Variants in LRFN5 observed in about 807,000 individuals in gnomAD.
The protein encoded by LRFN5 is leucine-rich repeat and fibronectin type-III domain-containing protein 5.
LRFN5 carries 24 observed loss-of-function variants against 45.6 expected under a neutral mutation model. That is an observed-to-expected ratio of 0.53 (90% CI 0.38 to 0.74). The LOEUF is 0.74. Ranked by LOEUF, LRFN5 falls within the 30% of genes least tolerant of loss-of-function variation. The pLI, the probability that LRFN5 is intolerant of heterozygous loss-of-function variation, is 0.00. For missense variants in LRFN5, 776 were observed against 861.5 expected, an observed-to-expected ratio of 0.90 and a Z score of 1.24; for synonymous variants, 340 against 313.8, an observed-to-expected ratio of 1.08 and a Z score of -0.88.
chr14:41,756,990 C>G (rs531240307), intron 1 of LRFN5, among the ~76,000 whole-genome samples: 1 of 152,176 alleles, frequency 6.6e-6, no homozygotes, highest in Non-Finnish European at 1.5e-5. Context: ...GGACCCCCAG[C>G]TGCAAGTCTG....
At chr14:41,674,291 C>T (rs1881453484) in intron 1 of LRFN5, among the ~76,000 whole-genome samples, 1 of 130,678 alleles carries the variant, frequency 7.7e-6, no homozygotes, top group Admixed American at 7.5e-5. Context: ...CAGAGGCGTC[C>T]CTCACCTCCC....
chr14:41,685,826 A>G (rs879138473), intron 1 of LRFN5, among the ~76,000 whole-genome samples: 1 of 151,778 alleles, frequency 6.6e-6, no homozygotes, highest in Non-Finnish European at 1.5e-5. Context: ...TAGTCCATAT[A>G]TCTGTTTTTG....
chr14:41,682,150 C>G (rs1035269671), intron 1 of LRFN5, among the ~76,000 whole-genome samples: 11 of 151,786 alleles, frequency 7.2e-5, no homozygotes, highest in Non-Finnish European at 1.3e-4. Context: ...AAAAGACTAA[C>G]CAATGAACCA....
chr14:41,889,498 C>A (rs1049377529), intron 3 of LRFN5, among the ~76,000 whole-genome samples: 1 of 152,074 alleles, frequency 6.6e-6, no homozygotes, highest in African/African-American at 2.4e-5. Flanking sequence ...ACAAATACCC[C>A]TCCCCACCCC....
At chr14:41,797,660 A>G (rs1887178525) in intron 2 of LRFN5, among the ~76,000 whole-genome samples, 1 of 151,592 alleles carries the variant, frequency 6.6e-6, no homozygotes, top group East Asian at 1.9e-4. Flanking sequence ...TAAAATAATC[A>G]AAGTTTTTAC....
chr14:41,736,980 A>C (rs1183875925), intron 1 of LRFN5, among the ~76,000 whole-genome samples: 1 of 152,138 alleles, frequency 6.6e-6, no homozygotes, highest in Non-Finnish European at 1.5e-5. Context: ...AAAAAAAAGG[A>C]ATCCTCTCTA....
chr14:41,776,196 C>T (rs1886288723), intron 2 of LRFN5, among the ~76,000 whole-genome samples: 1 of 152,034 alleles, frequency 6.6e-6, no homozygotes, highest in Admixed American at 6.6e-5. Flanking sequence ...AGTAGTAATC[C>T]TGATTCCTAA....
chr14:41,752,147 C>A (rs1885161639), intron 1 of LRFN5, among the ~76,000 whole-genome samples: 1 of 152,140 alleles, frequency 6.6e-6, no homozygotes, highest in Non-Finnish European at 1.5e-5. Flanking sequence ...GCCACATTTT[C>A]TTAATCCAGT....
intron 1 of LRFN5, among the ~76,000 whole-genome samples, chr14:41,652,616 C>T (rs984386452): frequency 6.6e-6 from 1 of 152,128 alleles, no homozygotes; most frequent in Non-Finnish European, 1.5e-5. Flanking sequence ...GGAAAACCTC[C>T]TTCAGCAGAT....
chr14:41,875,894 A>G (rs189044521), intron 2 of LRFN5, among the ~76,000 whole-genome samples: 237 of 152,312 alleles, frequency 1.6e-3, no homozygotes, highest in Non-Finnish European at 1.2e-3. Context: ...CTTCTTACAT[A>G]AATCAGGTTC....
intron 1 of LRFN5, among the ~76,000 whole-genome samples, chr14:41,764,047 T>G (rs1462915491): frequency 6.6e-6 from 1 of 152,194 alleles, no homozygotes; most frequent in Admixed American, 6.5e-5. Flanking sequence ...CTTTGTATGG[T>G]AACACTAGAA....
intron 1 of LRFN5, among the ~76,000 whole-genome samples, chr14:41,703,514 CA>C (rs1882922755): frequency 6.6e-6 from 1 of 152,094 alleles, no homozygotes; most frequent in Admixed American, 6.6e-5. Context: ...GAATGGCCTT[CA>C]GAGCAATGAC....
At chr14:41,754,727 C>A (rs1028866193) in intron 1 of LRFN5, among the ~76,000 whole-genome samples, 1 of 152,052 alleles carries the variant, frequency 6.6e-6, no homozygotes, top group African/African-American at 2.4e-5. Context: ...CTCCTGGATT[C>A]ATTGATTTTT....
chr14:41,616,529 C>T (rs1185053716), intron 1 of LRFN5, among the ~76,000 whole-genome samples: 2 of 152,070 alleles, frequency 1.3e-5, no homozygotes, highest in Non-Finnish European at 2.9e-5. Flanking sequence ...TTACCTCCTC[C>T]ATTGTTTAAT....
intron 2 of LRFN5, among the ~76,000 whole-genome samples, chr14:41,827,372 C>T (rs1227851167): frequency 6.6e-6 from 1 of 151,802 alleles, no homozygotes; most frequent in Non-Finnish European, 1.5e-5. Context: ...ATAGGCAATG[C>T]TGGAATATAA....
intron 2 of LRFN5, among the ~76,000 whole-genome samples, chr14:41,781,838 T>G (rs1272170731): frequency 6.6e-6 from 1 of 152,096 alleles, no homozygotes; most frequent in East Asian, 1.9e-4. Flanking sequence ...GGTCTTGTTT[T>G]TCCTTCAGCA....
At chr14:41,797,486 TATA>T (rs1208721410) in intron 2 of LRFN5, among the ~76,000 whole-genome samples, 4 of 151,738 alleles carry the variant, frequency 2.6e-5, no homozygotes, top group African/African-American at 9.7e-5. Context: ...TAAATAGCTT[TATA>T]ATATTACCTA....
chr14:41,746,018 C>T (rs971117045), intron 1 of LRFN5, among the ~76,000 whole-genome samples: 1 of 151,998 alleles, frequency 6.6e-6, no homozygotes, highest in Non-Finnish European at 1.5e-5. Context: ...CACCATTACC[C>T]TGGTAGCAAA....
At chr14:41,732,347 G>T (rs927013988) in intron 1 of LRFN5, among the ~76,000 whole-genome samples, 2 of 152,104 alleles carry the variant, frequency 1.3e-5, no homozygotes, top group African/African-American at 4.8e-5. Flanking sequence ...TCTGGCTGAG[G>T]TGACTTCAAG....
Sources: gnomAD v4.1 joint callset for allele counts (sites outside exome capture counted in the v4.1 genomes callset) on GRCh38, gnomAD v4.1.1 for gene constraint, MANE v1.5 for transcripts, NCBI Gene and HGNC (gene_info 2026-07-23, HGNC 2026-07-21) for gene names.